The following SORBS2 variants were observed in gnomAD, a reference collection of about 807,000 sequenced individuals.
SORBS2 encodes sorbin and SH3 domain-containing protein 2.
Under a neutral mutation model 97.7 loss-of-function variants are expected in SORBS2, and 46 were observed. The observed-to-expected ratio is 0.47, with a 90% CI of 0.37 to 0.60. The LOEUF is 0.60. Among genes scored for constraint, SORBS2 ranks in the 20% least tolerant of loss-of-function variants. The pLI is 0.00. For missense variants in SORBS2, 1,316 were observed against 1,282.3 expected, an observed-to-expected ratio of 1.03 and a Z score of -0.40; for synonymous variants, 476 against 473.4, an observed-to-expected ratio of 1.01 and a Z score of -0.07.
chr4:185,691,820 C>T (rs917027486), intron 2 of SORBS2, among the ~76,000 whole-genome samples: 2 of 152,146 alleles, frequency 1.3e-5, no homozygotes, highest in African/African-American at 2.4e-5. Flanking sequence ...TCTCGGCTCA[C>T]TGCAAGCTCT....
chr4:185,781,359 C>T (rs1344442855), intron 1 of SORBS2, among the ~76,000 whole-genome samples: 2 of 152,360 alleles, frequency 1.3e-5, no homozygotes, highest in Non-Finnish European at 1.5e-5. Flanking sequence ...TGAGCATATG[C>T]AACAGTCGCT....
intron 1 of SORBS2, among the ~76,000 whole-genome samples, chr4:185,877,880 A>AG (rs1325382989): frequency 1.3e-5 from 2 of 149,006 alleles, no homozygotes; most frequent in African/African-American, 4.9e-5. Context: ...AAAACAAAAA[A>AG]AAAAAAGAAA....
chr4:185,839,006 T>C (rs1016932826), intron 1 of SORBS2, among the ~76,000 whole-genome samples: 1 of 152,226 alleles, frequency 6.6e-6, no homozygotes, highest in Non-Finnish European at 1.5e-5. Flanking sequence ...ACTGGACATC[T>C]CTTTCTCACC....
intron 1 of SORBS2, among the ~76,000 whole-genome samples, chr4:185,925,232 T>A (rs1418096740): frequency 6.6e-6 from 1 of 152,198 alleles, no homozygotes; most frequent in Non-Finnish European, 1.5e-5. Flanking sequence ...CAGTCATTCT[T>A]CTTTTTGAGA....
intron 2 of SORBS2, among the ~76,000 whole-genome samples, chr4:185,767,043 T>C (rs555018593): frequency 1.3e-5 from 2 of 152,304 alleles, no homozygotes; most frequent in Admixed American, 6.5e-5. Flanking sequence ...ACCAGCCTCG[T>C]CCTAACATTT....
intron 4 of SORBS2, among the ~76,000 whole-genome samples, chr4:185,644,525 G>T (rs752528767): frequency 7.9e-5 from 12 of 152,152 alleles, no homozygotes; most frequent in Non-Finnish European, 1.2e-4. Flanking sequence ...GTACAGCAGC[G>T]ACCAAGTGCA....
chr4:185,668,340 C>T (rs1219361029), intron 4 of SORBS2, among the ~76,000 whole-genome samples: 8 of 152,184 alleles, frequency 5.3e-5, no homozygotes, highest in Non-Finnish European at 8.8e-5. Context: ...TTCCACCTTT[C>T]GAATTTCTTT....
At chr4:185,790,437 G>A (rs541477349) in intron 1 of SORBS2, among the ~76,000 whole-genome samples, 21 of 152,218 alleles carry the variant, frequency 1.4e-4, no homozygotes, top group African/African-American at 3.4e-4. Flanking sequence ...AGTACAATAC[G>A]TGTATCTTTG....
chr4:185,906,009 C>T (rs181125427), intron 1 of SORBS2, among the ~76,000 whole-genome samples: 1 of 152,260 alleles, frequency 6.6e-6, no homozygotes, highest in Non-Finnish European at 1.5e-5. Flanking sequence ...CAGTGCTCAA[C>T]TGGGGCAGGT....
chr4:185,822,026 C>A (rs1420368252), intron 1 of SORBS2, among the ~76,000 whole-genome samples: 1 of 152,164 alleles, frequency 6.6e-6, no homozygotes, highest in Non-Finnish European at 1.5e-5. Flanking sequence ...GAAATTGTAA[C>A]ACGATGTTAT....
chr4:185,670,608 G>GTT (rs74732953), intron 4 of SORBS2, among the ~76,000 whole-genome samples: 2 of 143,606 alleles, frequency 1.4e-5, no homozygotes, highest in Non-Finnish European at 1.5e-5. Flanking sequence ...CTAGGAAGGG[G>GTT]TTTTTTTTTT....
intron 2 of SORBS2, 146 bp downstream of exon 2, chr4:185,775,081 C>T (rs1367381798): frequency 6.6e-6 from 1 of 152,296 alleles, no homozygotes; most frequent in African/African-American, 2.4e-5. Context: ...TGCCCAGATG[C>T]TCCTGCTGTA....
chr4:185,635,278 T>C (rs2096976341), intron 4 of SORBS2, 77 bp downstream of exon 16: 1 of 1,071,052 alleles, frequency 9.3e-7, no homozygotes, highest in African/African-American at 1.6e-5. Context: ...CAGAGAATTG[T>C]AAAACACAGA....
At chr4:185,591,846 T>A (rs1463815879) in intron 13 of SORBS2, 1 of 152,218 alleles carries the variant, frequency 6.6e-6, no homozygotes, top group Non-Finnish European at 1.5e-5. Context: ...CTGCTTCATT[T>A]TTGTCTGATG....
chr4:185,928,816 G>A (rs901201623), intron 1 of SORBS2, among the ~76,000 whole-genome samples: 1 of 152,208 alleles, frequency 6.6e-6, no homozygotes, highest in African/African-American at 2.4e-5. Flanking sequence ...AAAGTGCTGG[G>A]ATTCCAGGCG....
chr4:185,691,189 C>T (rs1303843825), intron 2 of SORBS2, among the ~76,000 whole-genome samples: 3 of 152,010 alleles, frequency 2.0e-5, no homozygotes, highest in South Asian at 2.1e-4. Context: ...CGTGAGCCAC[C>T]GTGCCCGGCC....
chr4:185,704,833 T>C (rs1227708163), intron 2 of SORBS2, among the ~76,000 whole-genome samples: 1 of 152,168 alleles, frequency 6.6e-6, no homozygotes, highest in Non-Finnish European at 1.5e-5. Context: ...TCTAGTCCTT[T>C]TGATTTTGCA....
chr4:185,939,437 C>A (rs1458231141), intron 1 of SORBS2, among the ~76,000 whole-genome samples: 1 of 152,220 alleles, frequency 6.6e-6, no homozygotes, highest in Non-Finnish European at 1.5e-5. Flanking sequence ...ACGTCCCTCT[C>A]TGACTGCTGC....
intron 2 of SORBS2, among the ~76,000 whole-genome samples, chr4:185,769,947 A>G (rs113076702): frequency 5.9e-4 from 83 of 139,966 alleles, no homozygotes; most frequent in Non-Finnish European, 1.0e-3. Flanking sequence ...GTTGCCACCT[A>G]TGATGCTGTG....
Sources: gnomAD v4.1 joint callset for allele counts (sites outside exome capture counted in the v4.1 genomes callset) on GRCh38, gnomAD v4.1.1 for gene constraint, MANE v1.5 for transcripts, NCBI Gene and HGNC (gene_info 2026-07-23, HGNC 2026-07-21) for gene names.